Variants in NUDC observed in about 807,000 individuals in gnomAD.
NUDC encodes the protein nuclear migration protein nudC.
In NUDC, 14 loss-of-function variants were observed where a neutral mutation model predicts 45.0. The ratio of observed to expected loss-of-function variants is 0.31; its 90% CI spans 0.21 to 0.49. NUDC has a LOEUF of 0.49. Among genes scored for constraint, NUDC ranks in the 20% least tolerant of loss-of-function variants. The probability of loss-of-function intolerance (pLI) is 0.99; values close to 1 mark genes in which losing one functional copy is unlikely to be tolerated. For synonymous variants in NUDC, 153 were observed against 156.7 expected, an observed-to-expected ratio of 0.98 and a Z score of 0.17; for missense variants, 323 against 426.2, an observed-to-expected ratio of 0.76 and a Z score of 2.13.
intron 2 of NUDC, among the ~76,000 whole-genome samples, chr1:26,910,489 G>A (rs1019939652): frequency 2.6e-5 from 4 of 152,128 alleles, no homozygotes; most frequent in Non-Finnish European, 4.4e-5. Flanking sequence ...TAACCTGGGG[G>A]GCTTAGAGAA....
At chr1:26,901,395 G>GT (rs2081977962) in intron 1 of NUDC, among the ~76,000 whole-genome samples, 1 of 116,908 alleles carries the variant, frequency 8.6e-6, no homozygotes, top group African/African-American at 3.3e-5. Context: ...CCGCCTTTTT[G>GT]TCTTTTTTTT....
chr1:26,935,652 T>C (rs552561220), intron 2 of NUDC, among the ~76,000 whole-genome samples: 2 of 152,040 alleles, frequency 1.3e-5, no homozygotes, highest in East Asian at 3.9e-4. Flanking sequence ...GAACTACAAT[T>C]CAAGATGAGA....
At chr1:26,940,633 A>C (rs1240406876) in intron 2 of NUDC, among the ~76,000 whole-genome samples, 3 of 152,190 alleles carry the variant, frequency 2.0e-5, no homozygotes, top group Non-Finnish European at 4.4e-5. Flanking sequence ...AGAACTCAGG[A>C]AAGGCTTGTG....
intron 1 of NUDC, among the ~76,000 whole-genome samples, chr1:26,900,894 C>A (rs1334752477): frequency 6.6e-6 from 1 of 152,130 alleles, no homozygotes; most frequent in East Asian, 1.9e-4. Flanking sequence ...AGGAAACACG[C>A]AGGTCCAATT....
Position 26,908,109 on chromosome 1 carries a change from G to A in NUDC, c.-15-3019G>A, listed in dbSNP as rs150698599. ...CAACGGAATTGCTTGAACCCGGGAG[G>A]CGGAGGTTGCAGTGAGCCGAGATCG... On this transcript the variant is annotated intron_variant, in intron 2 of 6. Transcript: ENST00000435827. Among the ~76,000 whole-genome samples the A allele has an allele frequency of 6.7e-3, 1,023 of 152,216 alleles. 7 individuals carry two copies. The highest frequency in any genetic ancestry group is 0.013 in the Admixed American group (193 of 15,286).
intron 2 of NUDC, among the ~76,000 whole-genome samples, chr1:26,936,047 C>T (rs2082226847): frequency 7.0e-6 from 1 of 143,746 alleles, no homozygotes; most frequent in South Asian, 2.2e-4. Context: ...TGGCTCACTG[C>T]AGCCTCCGCC....
rs201287968 is a variant in NUDC at position 26,941,689 on chromosome 1, C to T, written c.363+29C>T. The T allele has an allele frequency of 1.2e-5, 20 of 1,613,048 alleles. No individual in the cohort carries two copies. The East Asian group carries it at 2.0e-4, about 16-fold the overall frequency. On this transcript the variant is annotated intron_variant, in intron 3 of 8. Coordinates refer to ENST00000321265, the MANE Select transcript of NUDC (RefSeq NM_006600.4). ...AAGGGTGGGCTTCCCTTCTCCACCC[C>T]TCAGATCCCCCCTGGCACTGAGCAG...
chr1:26,943,973 G>A (rs1240850291), intron 6 of NUDC, among the ~76,000 whole-genome samples: 1 of 152,002 alleles, frequency 6.6e-6, no homozygotes, highest in African/African-American at 2.4e-5. Context: ...CGCCTCCTGG[G>A]TTCATGCCAT....
intron 8 of NUDC, 107 bp from the exon 9 acceptor site, chr1:26,946,023 G>A (rs1038022025): frequency 3.6e-5 from 39 of 1,093,626 alleles, no homozygotes; most frequent in Non-Finnish European, 5.4e-5. Context: ...AGCCTGGCTT[G>A]GTGTTGCTGA....
rs2082318027 is a variant in NUDC at position 26,946,376 on chromosome 1, A to G, written c.*195A>G. On this transcript the variant is annotated 3_prime_UTR_variant, in exon 9 of 9. Coordinates refer to ENST00000321265, the MANE Select transcript of NUDC (RefSeq NM_006600.4). ...CTCCCCAGTTGGCCTACTGTTACAC[A>G]TTAAAACGATTTGCCCAGCTCCTTC... is the stretch of plus-strand genomic sequence containing the variant. The G allele has an allele frequency of 1.6e-6, 1 of 626,304 alleles. No individual in the cohort carries two copies. The highest frequency in any genetic ancestry group is 2.9e-6 in the Non-Finnish European group (1 of 347,690). The allele number at this position is 626,304 out of a possible 1,614,324, so 38.8% of individuals were successfully genotyped here. A position where few individuals can be genotyped will look rare whatever the true frequency, so the allele number is the denominator to read the frequency against.
chr1:26,926,301 C>T (rs558030508), intron 2 of NUDC, among the ~76,000 whole-genome samples: 1 of 152,280 alleles, frequency 6.6e-6, no homozygotes, highest in East Asian at 1.9e-4. Context: ...TTAATGTGTC[C>T]TGAATGTCTG....
At chr1:26,915,803 C>A (rs891409340) in intron 3 of NUDC, among the ~76,000 whole-genome samples, 2 of 152,154 alleles carry the variant, frequency 1.3e-5, no homozygotes, top group Admixed American at 1.3e-4. Context: ...CACCAGTGGA[C>A]AAACAGGCAC....
chr1:26,936,955 G>A (rs2082239688), intron 2 of NUDC, among the ~76,000 whole-genome samples: 1 of 152,142 alleles, frequency 6.6e-6, no homozygotes, highest in African/African-American at 2.4e-5. Flanking sequence ...CCATAAGACA[G>A]TGCCCACTTG....
At chr1:26,935,630 T>C (rs965605271) in intron 2 of NUDC, among the ~76,000 whole-genome samples, 3 of 151,476 alleles carry the variant, frequency 2.0e-5, no homozygotes, top group African/African-American at 7.3e-5. Context: ...CCATGACATG[T>C]GGGGATTATG....
chr1:26,940,931 AT>A (rs1328302078), intron 2 of NUDC, among the ~76,000 whole-genome samples: 4 of 143,462 alleles, frequency 2.8e-5, no homozygotes, highest in Non-Finnish European at 3.0e-5. Flanking sequence ...TATTATTATT[AT>A]TTTTTTTTGA....
At chr1:26,913,702 G>T in intron 3 of NUDC, 1 of 1,610,478 alleles carries the variant, frequency 6.2e-7, no homozygotes, top group Admixed American at 1.7e-5. Context: ...GTCCTGGGGA[G>T]GCAGCTGCCA....
In NUDC at chr1:26,900,364, C is replaced by A. The variant is rs147405790; in HGVS notation, c.-137C>A. On this transcript the variant is annotated 5_prime_UTR_variant, in exon 1 of 7. Coordinates refer to the NUDC transcript ENST00000435827. ...TGGCTAAAATAGCTCCGTAAATGGG[C>A]CGAGCGCAACACGGAGGGGATACCG... The A allele has an allele frequency of 4.4e-5, 71 of 1,614,046 alleles. No homozygotes were observed. Among genetic ancestry groups the A allele is most frequent in the Middle Eastern group, 3.3e-4 (2 of 6,058 alleles).
In NUDC at chr1:26,913,319, G is replaced by A. The variant is rs569429935; in HGVS notation, c.93+2084G>A. ...TAAAAAGAAAATGAGGACCCAATGA[G>A]ATAACAGATATCAAACCCTTAGAAG... On this transcript the variant is annotated intron_variant, in intron 3 of 6. Transcript: ENST00000435827. 4 of 1,148,784 alleles carry A rather than the reference G, an allele frequency of 3.5e-6. No homozygotes were observed. The African/African-American group carries it at 4.5e-5, about 13-fold the overall frequency. The allele number at this position is 1,148,784 out of a possible 1,614,324, so 71.2% of individuals were successfully genotyped here.
chr1:26,921,771 G>C lies in NUDC; in HGVS notation c.-78G>C, dbSNP rs896039068. 1.6e-5 allele frequency: 24 copies of C among 1,470,532 alleles called. No individual in the cohort carries two copies. In the East Asian group the frequency reaches 2.7e-4, roughly 17 times the overall value. 91.1% of individuals were successfully genotyped at this position (1,470,532 alleles called of 1,614,324 possible). ...GAAGGCGGACGACTAGAGTCGTTGG[G>C]CCCGGCGCGACCCGCAGGAGCGTAG... On this transcript the variant is annotated 5_prime_UTR_variant, in exon 1 of 9. Coordinates refer to ENST00000321265, the MANE Select transcript of NUDC (RefSeq NM_006600.4).
Sources: allele counts gnomAD v4.1 joint callset (sites outside exome capture counted in the v4.1 genomes callset), GRCh38; gene constraint gnomAD v4.1.1; transcripts MANE v1.5; gene names NCBI Gene and HGNC (gene_info 2026-07-23, HGNC 2026-07-21).